RABGAP1L: variants seen among roughly 807,000 people sequenced by gnomAD.
RABGAP1L encodes the protein RAB GTPase activating protein 1 like.
In RABGAP1L, 63 loss-of-function variants were observed where a neutral mutation model predicts 137.7. The observed-to-expected ratio is 0.46, with a 90% confidence interval of 0.37 to 0.56. The LOEUF is 0.56. Among genes scored for constraint, RABGAP1L ranks in the 20% least tolerant of loss-of-function variants. The probability of loss-of-function intolerance (pLI) is 0.00; values close to 1 mark genes in which losing one functional copy is unlikely to be tolerated. For missense variants in RABGAP1L, 1,095 were observed against 1,244.0 expected, an observed-to-expected ratio of 0.88 and a Z score of 1.80; for synonymous variants, 431 against 433.7, an observed-to-expected ratio of 0.99 and a Z score of 0.08.
chr1:174,763,261 G>C (rs1573075682), intron 18 of RABGAP1L, among the ~76,000 whole-genome samples: 1 of 152,078 alleles, frequency 6.6e-6, no homozygotes, highest in Non-Finnish European at 1.5e-5. Flanking sequence ...GCTCATGCCT[G>C]TAATCCCAGC....
At chr1:174,866,700 T>C (rs1455867265) in intron 19 of RABGAP1L, among the ~76,000 whole-genome samples, 2 of 151,892 alleles carry the variant, frequency 1.3e-5, no homozygotes, top group Admixed American at 6.6e-5. Context: ...TGGCTTGAGT[T>C]TGTGAGTTCG....
At chr1:174,352,064 T>C (rs905932923) in intron 11 of RABGAP1L, among the ~76,000 whole-genome samples, 1 of 152,174 alleles carries the variant, frequency 6.6e-6, no homozygotes, top group Non-Finnish European at 1.5e-5. Context: ...TGCCTCGGAC[T>C]CCCAAAGTGC....
intron 13 of RABGAP1L, among the ~76,000 whole-genome samples, chr1:174,577,381 A>C (rs1170067615): frequency 1.3e-5 from 2 of 151,862 alleles, no homozygotes; most frequent in Non-Finnish European, 2.9e-5. Flanking sequence ...ATTTCCATAC[A>C]TTTTTGGTCC....
At chr1:174,964,990 G>GT (rs768299913) in intron 20 of RABGAP1L, 12,328 of 1,286,186 alleles carry the variant, frequency 9.6e-3, no homozygotes, top group Admixed American at 0.011. Context: ...GAGGAGGTAA[G>GT]TTTTTTTTTT....
intron 7 of RABGAP1L, among the ~76,000 whole-genome samples, chr1:174,260,320 A>G (rs946194471): frequency 2.0e-5 from 3 of 152,208 alleles, no homozygotes; most frequent in Non-Finnish European, 4.4e-5. Context: ...CAGTTTGAAG[A>G]TAAATGAATT....
At chr1:174,839,507 T>C (rs1693155205) in intron 19 of RABGAP1L, among the ~76,000 whole-genome samples, 1 of 152,196 alleles carries the variant, frequency 6.6e-6, no homozygotes, top group South Asian at 2.1e-4. Context: ...CAAGAATATA[T>C]TGACCTTGAA....
chr1:174,946,982 A>G lies in RABGAP1L; in HGVS notation c.2341-10475A>G, dbSNP rs539467201. The stretch of plus-strand genomic sequence containing the variant: ...TGTGTGTGTGTGTGTGTGTGTGTGT[A>G]TATATATGTATATATATATGTATGT... On this transcript the variant is annotated intron_variant, in intron 19 of 25. Transcript: ENST00000681986. Among the ~76,000 whole-genome samples, 349 of 116,244 alleles carry G rather than the reference A, an allele frequency of 3.0e-3. 1 individual carries two copies. Among genetic ancestry groups the G allele is most frequent in the African/African-American group, 0.011 (328 of 30,552 alleles). 76.3% of individuals were successfully genotyped at this position (116,244 alleles called of 152,430 possible).
At chr1:174,300,663 A>G (rs986584439) in intron 10 of RABGAP1L, among the ~76,000 whole-genome samples, 3 of 152,034 alleles carry the variant, frequency 2.0e-5, no homozygotes, top group Admixed American at 6.6e-5. Flanking sequence ...CTGTATTCCT[A>G]GCACTTTGGG....
chr1:174,550,973 TGTATATATACATATATATATATACAC>T (rs1666447677), intron 13 of RABGAP1L, among the ~76,000 whole-genome samples: 1 of 99,886 alleles, frequency 1.0e-5, no homozygotes, highest in Non-Finnish European at 1.8e-5. Context: ...TATATATACA[TGTATATATACATATATATATATACAC>T]ATATATATAT....
At chr1:174,337,191 T>C (rs1010320204) in intron 11 of RABGAP1L, among the ~76,000 whole-genome samples, 2 of 152,108 alleles carry the variant, frequency 1.3e-5, no homozygotes, top group African/African-American at 4.8e-5. Flanking sequence ...TTCAGATGAC[T>C]GTAATCAGTT....
rs1157892977 is a variant in RABGAP1L, at chr1:174,752,421, T to C, written c.2211+67T>C. ...CTCTTTGCCCTTGGAACTGGAATAA[T>C]TCAATTTACAGTCTTTGACTCATTT... On this transcript the variant is annotated intron_variant, in intron 18 of 25. Coordinates refer to ENST00000681986, the MANE Select transcript of RABGAP1L (RefSeq NM_001366446.1). 1.3e-5 allele frequency: 16 copies of C among 1,185,784 alleles called. No homozygotes were observed. The African/African-American group carries it at 2.4e-4, about 18-fold the overall frequency. 73.5% of individuals were successfully genotyped at this position (1,185,784 alleles called of 1,614,324 possible).
At chr1:174,964,723 AAG>A in intron 20 of RABGAP1L, 1 of 1,128,888 alleles carries the variant, frequency 8.9e-7, no homozygotes, top group Non-Finnish European at 1.2e-6. Flanking sequence ...GAGGAGTTTG[AAG>A]ATATGAGTCT....
chr1:174,629,113 T>TG (rs1673132517), intron 13 of RABGAP1L, among the ~76,000 whole-genome samples: 1 of 152,184 alleles, frequency 6.6e-6, no homozygotes, highest in African/African-American at 2.4e-5. Context: ...TTTTGCAGAA[T>TG]GTTAGGTTTT....
At chr1:174,855,002 T>A (rs1649057134) in intron 19 of RABGAP1L, among the ~76,000 whole-genome samples, 1 of 152,070 alleles carries the variant, frequency 6.6e-6, no homozygotes, top group Non-Finnish European at 1.5e-5. Flanking sequence ...CTTCCCAAAG[T>A]GCTGGGATTA....
In RABGAP1L at chr1:174,220,992, A is replaced by G. The variant is rs1669712021; in HGVS notation, c.159A>G (p.Glu53=). The change falls in exon 3 of 26, where the codon GAA becomes GAG. Residue 53 remains glutamate, a synonymous_variant. Transcript: ENST00000681986. ...PQLKIVSNGD[E]QLEKAMEEIL... is the part of the protein sequence containing the mutation. The stretch of plus-strand genomic sequence containing the variant: ...TGTAGATAGTTTCTAATGGTGATGA[A>G]CAATTGGAAAAAGCCATGGAAGAGA... The G allele has an allele frequency of 6.2e-7, 1 of 1,611,464 alleles. No individual in the cohort carries two copies. The highest frequency in any genetic ancestry group is 1.1e-5 in the South Asian group (1 of 90,620).
At chr1:174,622,033 A>C (rs1472391667) in intron 13 of RABGAP1L, among the ~76,000 whole-genome samples, 1 of 152,256 alleles carries the variant, frequency 6.6e-6, no homozygotes, top group Non-Finnish European at 1.5e-5. Flanking sequence ...CCCATCAAAG[A>C]GTGGGCGAAG....
intron 19 of RABGAP1L, among the ~76,000 whole-genome samples, chr1:174,840,643 A>AC (rs1693275488): frequency 6.6e-6 from 1 of 150,960 alleles, no homozygotes; most frequent in Non-Finnish European, 1.5e-5. Context: ...ACAAAAAAAA[A>AC]AAAACAAAAA....
At chr1:174,562,822 GGGA>G in intron 13 of RABGAP1L, among the ~76,000 whole-genome samples, 1 of 152,232 alleles carries the variant, frequency 6.6e-6, no homozygotes, top group South Asian at 2.1e-4. Context: ...CAGGGACACA[GGGA>G]GGAGAACATC....
chr1:174,427,144 A>ATGTGTGTGTGTGTGTG (rs57986877), intron 13 of RABGAP1L, among the ~76,000 whole-genome samples: 5 of 144,570 alleles, frequency 3.5e-5, no homozygotes, highest in African/African-American at 1.3e-4. Context: ...CCGCATGTTT[A>ATGTGTGTGTGTGTGTG]TGTGTGTGTG....
Sources: gnomAD v4.1 joint callset for allele counts (sites outside exome capture counted in the v4.1 genomes callset) on GRCh38, gnomAD v4.1.1 for gene constraint, MANE v1.5 for transcripts, NCBI Gene and HGNC (gene_info 2026-07-23, HGNC 2026-07-21) for gene names.